EVC2: variants seen among roughly 807,000 people sequenced by gnomAD.
The protein encoded by EVC2 is EvC ciliary complex subunit 2.
In EVC2, 148 loss-of-function variants were observed where a neutral mutation model predicts 149.3. The observed-to-expected ratio is 0.99, with a 90% confidence interval of 0.87 to 1.14. EVC2 has a LOEUF of 1.14. Ranked by LOEUF, EVC2 falls within the 50% of genes most tolerant of loss-of-function variation. EVC2 has a pLI of 0.00. For missense variants in EVC2, 1,854 were observed against 1,627.3 expected, an observed-to-expected ratio of 1.14 and a Z score of -2.40; for synonymous variants, 776 against 649.9, an observed-to-expected ratio of 1.19 and a Z score of -2.95.
Position 5,567,003 on chromosome 4 carries a change from T to C in EVC2, c.3557+1441A>G, listed in dbSNP as rs958838648. 5.9e-5 allele frequency among the ~76,000 whole-genome samples: 9 copies of C among 152,146 alleles called. No homozygotes were observed. The highest frequency in any genetic ancestry group is 5.9e-4 in the Admixed American group (9 of 15,280). On this transcript the variant is annotated intron_variant, in intron 20 of 21. Transcript: ENST00000344408. This position sits in a 1 kb window ranked among gnomAD's most constrained non-coding sequence, Gnocchi z 4.4. ...ATAGTAATATGATTGGCTCCTAATA[T>C]TCCATGGAGGAGCGTAGCATAGAGC...
At chr4:5,635,029 CTTTTTTTTTTT>C (rs34769603) in intron 10 of EVC2, among the ~76,000 whole-genome samples, 1 of 71,442 alleles carries the variant, frequency 1.4e-5, no homozygotes, top group African/African-American at 6.0e-5. Flanking sequence ...AACAAATGTG[CTTTTTTTTTTT>C]TTTTTTTTTT....
chr4:5,647,365 C>A (rs1000324846), intron 9 of EVC2, among the ~76,000 whole-genome samples: 1 of 152,270 alleles, frequency 6.6e-6, no homozygotes, highest in South Asian at 2.1e-4. Flanking sequence ...TGATCAACTG[C>A]GGTCTTTATT....
intron 11 of EVC2, among the ~76,000 whole-genome samples, chr4:5,630,084 C>G (rs1257386502): frequency 6.6e-6 from 1 of 152,200 alleles, no homozygotes. Context: ...GTCTGAATAC[C>G]AAGCTATGAA....
At chr4:5,552,524 C>G (rs1035625137) in intron 21 of EVC2, among the ~76,000 whole-genome samples, 33 of 151,914 alleles carry the variant, frequency 2.2e-4, no homozygotes, top group African/African-American at 6.3e-4. Flanking sequence ...GGGCTCCTGG[C>G]TATGATAGAG....
chr4:5,631,167 G>A (rs986528660), intron 11 of EVC2, among the ~76,000 whole-genome samples: 65 of 152,168 alleles, frequency 4.3e-4, no homozygotes, highest in Admixed American at 4.3e-3. Context: ...ATCCATCCAA[G>A]TATATCCAGG....
chr4:5,529,393 G>A, the EVC2 span, among the ~76,000 whole-genome samples: 25 of 152,242 alleles, frequency 1.6e-4, no homozygotes, highest in African/African-American at 5.5e-4. This position sits in a 1 kb window ranked among gnomAD's most constrained non-coding sequence, Gnocchi z 4.5. Context: ...CCAAGTCTTC[G>A]TGATATAATT....
rs750144319 is a variant in EVC2, at chr4:5,569,862, GTCCTGACGC to G, written c.3361-1231_3361-1223del. Among the ~76,000 whole-genome samples, 8 of 152,088 alleles carry G rather than the reference GTCCTGACGC, an allele frequency of 5.3e-5. No individual in the cohort carries two copies. The highest frequency in any genetic ancestry group is 8.8e-5 in the Non-Finnish European group (6 of 68,016). ...TTCCAAATACCAAAGCTCCTTCCAC[GTCCTGACGC>G]TCCCCATCCATGGCCTCCCTCCACT... On this transcript the variant is annotated intron_variant, in intron 19 of 21. Coordinates refer to ENST00000344408, the MANE Select transcript of EVC2 (RefSeq NM_147127.5). This position sits in a 1 kb window ranked among gnomAD's most constrained non-coding sequence, Gnocchi z 4.8.
intron 15 of EVC2, among the ~76,000 whole-genome samples, chr4:5,616,855 T>G (rs572652285): frequency 3.3e-5 from 5 of 152,186 alleles, no homozygotes; most frequent in Non-Finnish European, 7.3e-5. Context: ...CACAGCCATT[T>G]CCATCTGAAA....
rs370958428 is a variant in EVC2, at chr4:5,694,318, T to C, written c.450+17A>G. ...AACTTCTGGTATTTGTGTTAAAGCA[T>C]TGAACTTAATACTTACCAGGCGGTG... is the stretch of plus-strand genomic sequence containing the variant. On this transcript the variant is annotated intron_variant, in intron 3 of 21. Coordinates refer to ENST00000344408, the MANE Select transcript of EVC2 (RefSeq NM_147127.5). 134 of 1,613,208 alleles carry C rather than the reference T, an allele frequency of 8.3e-5. No individual in the cohort carries two copies. In the Admixed American group the frequency reaches 9.2e-4, roughly 11 times the overall value.
At chr4:5,658,992 A>T (rs1718710660) in intron 9 of EVC2, among the ~76,000 whole-genome samples, 1 of 152,158 alleles carries the variant, frequency 6.6e-6, no homozygotes, top group African/African-American at 2.4e-5. Flanking sequence ...AACCACAGTC[A>T]AGGAGCCTGA....
At chr4:5,570,516 G>A (rs1005970642) in intron 19 of EVC2, among the ~76,000 whole-genome samples, 6 of 152,208 alleles carry the variant, frequency 3.9e-5, no homozygotes, top group African/African-American at 1.4e-4. Flanking sequence ...ACCACAAAGT[G>A]TGAAAAGGGA....
intron 16 of EVC2, among the ~76,000 whole-genome samples, chr4:5,609,840 G>A (rs1443751256): frequency 6.6e-6 from 1 of 152,200 alleles, no homozygotes; most frequent in Non-Finnish European, 1.5e-5. Flanking sequence ...CCCGTGCTGG[G>A]TCTGCCACTG....
At chr4:5,659,520 G>T (rs907308926) in intron 9 of EVC2, among the ~76,000 whole-genome samples, 4 of 152,116 alleles carry the variant, frequency 2.6e-5, no homozygotes, top group African/African-American at 9.7e-5. Flanking sequence ...ATGGGAGGCT[G>T]GGGGAGAGGA....
chr4:5,671,243 G>A (rs1719630043), intron 7 of EVC2, among the ~76,000 whole-genome samples: 1 of 152,210 alleles, frequency 6.6e-6, no homozygotes, highest in South Asian at 2.1e-4. Context: ...CAGCAGTTGG[G>A]GCTAGTGGCC....
chr4:5,685,298 G>C (rs1012739983), intron 6 of EVC2, 72 bp downstream of exon 6: 6 of 1,410,618 alleles, frequency 4.3e-6, no homozygotes, highest in Non-Finnish European at 6.0e-6. Context: ...TCTTCTGTCT[G>C]AAGTGTCCCT....
At chr4:5,597,083 C>T (rs1418622517) in intron 16 of EVC2, among the ~76,000 whole-genome samples, 1 of 152,102 alleles carries the variant, frequency 6.6e-6, no homozygotes, top group East Asian at 1.9e-4. Flanking sequence ...AATAGCTTAC[C>T]AACCAAAAAG....
chr4:5,554,031 G>A (rs1721786889), intron 21 of EVC2, among the ~76,000 whole-genome samples: 1 of 152,072 alleles, frequency 6.6e-6, no homozygotes, highest in Non-Finnish European at 1.5e-5. Flanking sequence ...AAAACTGGAG[G>A]AAAAAATAGG....
rs371685941 is a variant in EVC2, at chr4:5,688,847, T to C, written c.706+310A>G. Among the ~76,000 whole-genome samples, 16 of 152,356 alleles carry C rather than the reference T, an allele frequency of 1.1e-4. 1 individual carries two copies. The highest frequency in any genetic ancestry group is 3.8e-4 in the African/African-American group (16 of 41,582). ...GTATACTGGGGTCCACTGTCAACTC[T>C]ATCTTTGTGCATGTTTGAAATTTTT... On this transcript the variant is annotated intron_variant, in intron 5 of 21. Coordinates refer to ENST00000344408, the MANE Select transcript of EVC2 (RefSeq NM_147127.5).
chr4:5,590,869 T>G (rs1712733959), intron 16 of EVC2, among the ~76,000 whole-genome samples: 1 of 152,190 alleles, frequency 6.6e-6, no homozygotes, highest in Non-Finnish European at 1.5e-5. Context: ...CTTATAGTCA[T>G]GGCAGAAGGG....
Sources: gnomAD v4.1 joint callset for allele counts (sites outside exome capture counted in the v4.1 genomes callset) on GRCh38, gnomAD v4.1.1 for gene constraint, Gnocchi (gnomAD v3.1) non-coding constraint, MANE v1.5 for transcripts, NCBI Gene and HGNC (gene_info 2026-07-23, HGNC 2026-07-21) for gene names.